The following EFHC2 variants were observed in gnomAD, a reference collection of about 807,000 sequenced individuals.
EFHC2 encodes the protein EF-hand domain containing 2, also known as EF-hand domain-containing family member C2.
Under a neutral mutation model 52.7 loss-of-function variants are expected in EFHC2, and 18 were observed. That is an observed-to-expected ratio of 0.34 (90% CI 0.24 to 0.51). The LOEUF (loss-of-function observed/expected upper bound fraction) is 0.51. Ranked by LOEUF, EFHC2 falls within the 20% of genes least tolerant of loss-of-function variation. The pLI is 0.97. For synonymous variants in EFHC2, 203 were observed against 204.1 expected (o/e 0.99, Z 0.04); for missense variants, 513 against 562.5 (o/e 0.91, Z 0.89).
chrX:44,310,938 G>A (rs756030768), intron 2 of EFHC2, among the ~76,000 whole-genome samples: 12 of 112,259 alleles, frequency 1.1e-4, no homozygotes, highest in Non-Finnish European at 1.9e-4. Flanking sequence ...GACTTGAAAT[G>A]CAAGAGAATA....
chrX:44,328,987 G>T (rs1242136637), intron 1 of EFHC2, among the ~76,000 whole-genome samples: 2 of 111,711 alleles, frequency 1.8e-5, no homozygotes, highest in African/African-American at 6.5e-5. Flanking sequence ...CTCTGCTTTT[G>T]TTGCTTAATT....
intron 3 of EFHC2, among the ~76,000 whole-genome samples, chrX:44,267,176 T>C (rs1602186719): frequency 2.7e-5 from 3 of 112,333 alleles, no homozygotes; most frequent in Non-Finnish European, 5.6e-5. Context: ...CTGACAATTA[T>C]TCTGTTAGAC....
intron 3 of EFHC2, among the ~76,000 whole-genome samples, chrX:44,265,313 C>T (rs908647755): frequency 9.0e-6 from 1 of 110,808 alleles, no homozygotes; most frequent in African/African-American, 3.3e-5. Context: ...ACATCATTGC[C>T]CAGGCTACAG....
chrX:44,249,534 T>C (rs1245547200), intron 5 of EFHC2, among the ~76,000 whole-genome samples: 1 of 110,490 alleles, frequency 9.1e-6, no homozygotes, highest in Admixed American at 9.6e-5. Flanking sequence ...AACACAGCTA[T>C]TAAGGGGCAG....
intron 11 of EFHC2, among the ~76,000 whole-genome samples, chrX:44,179,281 C>T (rs2036815521): frequency 9.0e-6 from 1 of 111,375 alleles, no homozygotes; most frequent in South Asian, 3.7e-4. Flanking sequence ...AACTAAGCAG[C>T]ATACACCAGA....
chrX:44,203,959 C>T (rs1056462854), intron 11 of EFHC2, among the ~76,000 whole-genome samples: 5 of 110,205 alleles, frequency 4.5e-5, no homozygotes, highest in African/African-American at 1.7e-4. Flanking sequence ...CACCTGGACA[C>T]CAACCTACCT....
At chrX:44,301,536 T>A (rs959022901) in intron 2 of EFHC2, among the ~76,000 whole-genome samples, 3 of 112,143 alleles carry the variant, frequency 2.7e-5, no homozygotes, top group African/African-American at 9.7e-5. Context: ...CCAAACAAAC[T>A]AATATTTTAA....
intron 11 of EFHC2, among the ~76,000 whole-genome samples, chrX:44,211,158 G>A (rs768276113): frequency 3.5e-4 from 39 of 112,006 alleles, no homozygotes; most frequent in African/African-American, 1.1e-3. Context: ...AGACCATATC[G>A]AGGGTGATAA....
At chrX:44,337,933 T>C in intron 1 of EFHC2, among the ~76,000 whole-genome samples, 1 of 112,029 alleles carries the variant, frequency 8.9e-6, no homozygotes, top group Non-Finnish European at 1.9e-5. Context: ...TTTATGTAAT[T>C]ACATATTTAT....
Position 44,248,413 on chromosome X carries a change from A to C in EFHC2, c.973-3T>G. 1 of 1,189,096 alleles carries C rather than the reference A, an allele frequency of 8.4e-7. No individual in the cohort carries two copies. Among genetic ancestry groups the C allele is most frequent in the Non-Finnish European group, 1.1e-6 (1 of 883,233 alleles). The stretch of plus-strand genomic sequence containing the variant: ...AACTCTTGGTCTACTTTTCCTAGCT[A>C]AAAAAGACAAAGGAACATAGCATTG... On this transcript the variant is annotated splice_polypyrimidine_tract_variant and splice_region_variant and intron_variant, in intron 6 of 14. Transcript: ENST00000420999.
At chrX:44,252,818 A>T (rs2147338841) in intron 4 of EFHC2, among the ~76,000 whole-genome samples, 1 of 112,001 alleles carries the variant, frequency 8.9e-6, no homozygotes, top group African/African-American at 3.2e-5. Flanking sequence ...GGCACAAAAG[A>T]TCTTTTTCTG....
At chrX:44,211,638 G>A (rs1310244593) in intron 11 of EFHC2, among the ~76,000 whole-genome samples, 1 of 110,649 alleles carries the variant, frequency 9.0e-6, no homozygotes, top group African/African-American at 3.3e-5. Context: ...GAGGCGGGCA[G>A]ATCATGAGAT....
intron 11 of EFHC2, among the ~76,000 whole-genome samples, chrX:44,182,504 T>G (rs938985635): frequency 4.3e-4 from 48 of 112,123 alleles, no homozygotes; most frequent in African/African-American, 1.5e-3. Context: ...TAACCTATTG[T>G]GGCACTGCCA....
intron 2 of EFHC2, chrX:44,284,597 C>T (rs1444170440): frequency 3.6e-5 from 4 of 111,579 alleles, no homozygotes; most frequent in East Asian, 2.8e-4. Flanking sequence ...TATCTTTGCT[C>T]CTCAAAAAGA....
chrX:44,190,427 A>G (rs143095426), intron 11 of EFHC2, among the ~76,000 whole-genome samples: 5 of 112,210 alleles, frequency 4.5e-5, no homozygotes, highest in African/African-American at 1.6e-4. Flanking sequence ...AATGGGAATT[A>G]AATGAGAAAG....
intron 14 of EFHC2, among the ~76,000 whole-genome samples, chrX:44,154,197 T>A (rs2036590450): frequency 8.9e-6 from 1 of 112,881 alleles, no homozygotes; most frequent in South Asian, 3.6e-4. Flanking sequence ...AGCACCTGGG[T>A]TCCTTTGCCC....
In EFHC2 at chrX:44,312,661, T is replaced by A. The variant is rs747600946; in HGVS notation, c.138A>T (p.Glu46Asp). 15 of 1,210,411 alleles carry A rather than the reference T, an allele frequency of 1.2e-5. No homozygotes were observed. In the South Asian group the frequency reaches 2.5e-4, roughly 20 times the overall value. ...GCTTTATCTTTTGCCCCAGAAGTGGTTCTCCACCTATTCCAGGCTTTTCAT... is the reference window on the plus strand; with the variant it reads ...GCTTTATCTTTTGCCCCAGAAGTGGATCTCCACCTATTCCAGGCTTTTCAT... ...VSDEKPGIGG[E>D]PLLGQKIKPK... Residue 46 changes from glutamate to aspartate, a missense_variant, in exon 2 of 15, where the codon GAA becomes GAT. By Grantham distance (45) the Glu-to-Asp change is conservative. Coordinates refer to ENST00000420999, the MANE Select transcript of EFHC2 (RefSeq NM_025184.4).
At chrX:44,231,684 C>T (rs753075580) in intron 10 of EFHC2, among the ~76,000 whole-genome samples, 18 of 111,658 alleles carry the variant, frequency 1.6e-4, no homozygotes, top group African/African-American at 5.2e-4. Context: ...TAACCCCAGC[C>T]ATTTTATATA....
chrX:44,257,543 A>G (rs906627970), intron 4 of EFHC2, among the ~76,000 whole-genome samples: 4 of 111,768 alleles, frequency 3.6e-5, no homozygotes, highest in Admixed American at 2.9e-4. Flanking sequence ...CACAATTGCT[A>G]CAAAGAGAAT....
Sources: allele counts gnomAD v4.1 joint callset (sites outside exome capture counted in the v4.1 genomes callset), GRCh38; gene constraint gnomAD v4.1.1; transcripts MANE v1.5; gene names NCBI Gene and HGNC (gene_info 2026-07-23, HGNC 2026-07-21).